GABPB2: variants seen among roughly 807,000 people sequenced by gnomAD.
The protein encoded by GABPB2 is GA-binding protein subunit beta-2.
A neutral mutation model predicts 39.1 loss-of-function variants in GABPB2; 23 were observed. The ratio of observed to expected loss-of-function variants is 0.59; its 90% CI spans 0.42 to 0.83. The LOEUF is 0.83. Ranked by LOEUF, GABPB2 falls within the 40% of genes least tolerant of loss-of-function variation. GABPB2 has a pLI of 0.00. For missense variants in GABPB2, 467 were observed against 541.1 expected (o/e 0.86, Z 1.36); for synonymous variants, 184 against 199.3 (o/e 0.92, Z 0.65).
At chr1:151,079,897 A>G (rs934306821) in intron 1 of GABPB2, among the ~76,000 whole-genome samples, 1 of 151,094 alleles carries the variant, frequency 6.6e-6, no homozygotes, top group African/African-American at 2.4e-5. Context: ...TCTGTCACAC[A>G]CACACACAAA....
intron 7 of GABPB2, among the ~76,000 whole-genome samples, chr1:151,114,428 T>G (rs1680696499): frequency 6.6e-6 from 1 of 151,838 alleles, no homozygotes. Context: ...AAATGGGAAA[T>G]AGGGCCGGGC....
rs148645991 is a variant in GABPB2 at position 151,088,272 on chromosome 1, A to G, written c.83A>G (p.Asn28Ser). The G allele has an allele frequency of 2.0e-5, 32 of 1,613,830 alleles. No homozygotes were observed. In the South Asian group the frequency reaches 3.2e-4, roughly 16 times the overall value. The change falls in exon 2 of 9, where the codon AAT (asparagine) becomes AGT (serine). Residue 28 changes from asparagine to serine, a missense_variant. Asn to Ser is a conservative substitution (Grantham distance 46, BLOSUM62 1). Coordinates refer to ENST00000368918, the MANE Select transcript of GABPB2 (RefSeq NM_144618.3). Reference protein sequence around the residue: ...QDDEVRTLMANGAPFTTDWLG... With the variant: ...QDDEVRTLMASGAPFTTDWLG... Reference sequence around the variant, plus strand: ...GATGAAGTGAGAACGTTGATGGCAAATGGCGCCCCATTCACCACAGACTGG... The same window carrying G: ...GATGAAGTGAGAACGTTGATGGCAAGTGGCGCCCCATTCACCACAGACTGG...
At chr1:151,114,715 C>G (rs963388884) in intron 7 of GABPB2, among the ~76,000 whole-genome samples, 7 of 150,982 alleles carry the variant, frequency 4.6e-5, no homozygotes, top group African/African-American at 7.3e-5. Flanking sequence ...GAAAAGAAAA[C>G]AAATGAGAAA....
chr1:151,072,336 C>T (rs1237284048), intron 1 of GABPB2, among the ~76,000 whole-genome samples: 7 of 152,180 alleles, frequency 4.6e-5, no homozygotes, highest in African/African-American at 1.7e-4. Flanking sequence ...CCCTTGAGCC[C>T]TGGAGTTCTA....
chr1:151,100,868 A>C (rs1278893386), intron 5 of GABPB2, among the ~76,000 whole-genome samples: 1 of 149,430 alleles, frequency 6.7e-6, no homozygotes, highest in East Asian at 2.0e-4. Flanking sequence ...GATTACAGGC[A>C]TGAGCCACCG....
At chr1:151,080,244 A>C (rs34889131) in intron 1 of GABPB2, among the ~76,000 whole-genome samples, 2 of 146,108 alleles carry the variant, frequency 1.4e-5, no homozygotes, top group Non-Finnish European at 3.0e-5. Flanking sequence ...AAAAAAAAAA[A>C]CAATAATTAG....
At chr1:151,106,875 G>A (rs1454470358) in intron 6 of GABPB2, among the ~76,000 whole-genome samples, 162 bp from the exon 7 acceptor site, 1 of 151,812 alleles carries the variant, frequency 6.6e-6, no homozygotes, top group East Asian at 1.9e-4. Flanking sequence ...TTTCTCCTCT[G>A]ACTTAGCATT....
At chr1:151,082,465 G>A (rs921185391) in intron 1 of GABPB2, among the ~76,000 whole-genome samples, 1 of 123,016 alleles carries the variant, frequency 8.1e-6, no homozygotes. Flanking sequence ...GTGGTAGCTC[G>A]ATCTCGGCTC....
chr1:151,083,879 T>C (rs1677932906), intron 1 of GABPB2, among the ~76,000 whole-genome samples: 2 of 150,318 alleles, frequency 1.3e-5, no homozygotes, highest in Admixed American at 1.3e-4. Context: ...TAGCTGTCAT[T>C]ACAGGCACCC....
At chr1:151,093,717 C>T (rs587773383) in intron 4 of GABPB2, among the ~76,000 whole-genome samples, 1 of 151,748 alleles carries the variant, frequency 6.6e-6, no homozygotes, top group East Asian at 1.9e-4. Context: ...TTTAGAATGT[C>T]TTTTTCTCCA....
At position 151,117,448 on chromosome 1, in the gene GABPB2, G is replaced by A. The variant is rs759458053; in HGVS notation, c.979G>A (p.Glu327Lys). The A allele has an allele frequency of 6.2e-7, 1 of 1,613,804 alleles. No individual in the cohort carries two copies. Among genetic ancestry groups the A allele is most frequent in the South Asian group, 1.1e-5 (1 of 91,076 alleles). ...GGAGACTGTAATTAAAGAGGAAGAA[G>A]AAGAGAAGTTGCCACTAACAAAGAA... Reference protein sequence around the residue: ...AEETVIKEEEEEKLPLTKKPR... With the variant: ...AEETVIKEEEKEKLPLTKKPR... The change falls in exon 8 of 9, where the codon GAA becomes AAA. Residue 327 changes from glutamate to lysine, a missense_variant. By Grantham distance (56) the Glu-to-Lys change is moderately conservative. Transcript: ENST00000368918.
At chr1:151,083,202 A>T (rs1283603790) in intron 1 of GABPB2, among the ~76,000 whole-genome samples, 2 of 152,188 alleles carry the variant, frequency 1.3e-5, no homozygotes, top group East Asian at 3.8e-4. Context: ...ATGTCAAAAA[A>T]TCACATTAAT....
chr1:151,082,184 C>T (rs1426269185), intron 1 of GABPB2, among the ~76,000 whole-genome samples: 1 of 148,824 alleles, frequency 6.7e-6, no homozygotes, highest in Non-Finnish European at 1.5e-5. Context: ...CCAAGCGATT[C>T]TTCTGCCTCA....
At position 151,125,464 on chromosome 1, in the gene GABPB2, A is replaced by G. The variant is rs1681338899; in HGVS notation, c.*7208A>G. On this transcript the variant is annotated 3_prime_UTR_variant, in exon 9 of 9. Transcript: ENST00000368918. ...TGAGCATTTGTATGTATATATACTT[A>G]TACAGATCTATATTATATATACAGT... The G allele has an allele frequency of 1.3e-5, 2 of 152,306 alleles. No homozygotes were observed. The highest frequency in any genetic ancestry group is 4.1e-4 in the South Asian group (2 of 4,832). The allele number at this position is 152,306 out of a possible 1,614,324, so 9.4% of individuals were successfully genotyped here.
chr1:151,107,594 T>TGGGTTCACGCACCC (rs1680069241), intron 7 of GABPB2, among the ~76,000 whole-genome samples: 1 of 151,688 alleles, frequency 6.6e-6, no homozygotes. Flanking sequence ...CTCCGCCTCC[T>TGGGTTCACGCACCC]GGGTTCACGC....
Position 151,090,355 on chromosome 1 carries a change from A to T in GABPB2, c.109-51A>T, listed in dbSNP as rs587695767. On this transcript the variant is annotated intron_variant, in intron 2 of 8. Coordinates refer to ENST00000368918, the MANE Select transcript of GABPB2 (RefSeq NM_144618.3). ...GTTCATTTGTATCTCTCCAGTAACG[A>T]TCTAGGACTCTGCACACAGTGGATA... 8.5e-6 allele frequency: 13 copies of T among 1,537,158 alleles called. 1 individual carries two copies. The South Asian group carries it at 1.4e-4, about 16-fold the overall frequency.
In GABPB2 at chr1:151,088,155, T is replaced by C. The variant is rs375641075; in HGVS notation, c.1-35T>C. The C allele has an allele frequency of 5.9e-5, 87 of 1,472,286 alleles. 1 individual carries two copies. Among genetic ancestry groups the C allele is most frequent in the Middle Eastern group, 3.5e-4 (2 of 5,774 alleles). 91.2% of individuals were successfully genotyped at this position (1,472,286 alleles called of 1,614,324 possible). On this transcript the variant is annotated intron_variant, in intron 1 of 8. Transcript: ENST00000368918. ...GGCGGCTTTCCTTATGTTCGAGTTA[T>C]AGCTACCTGAAAACTTTTGTTCCTA...
intron 6 of GABPB2, 92 bp downstream of exon 6, chr1:151,103,767 GA>G: frequency 1.2e-6 from 1 of 838,554 alleles, no homozygotes; most frequent in South Asian, 1.7e-5. Context: ...TATTATTAAA[GA>G]ATTGCATTTA....
intron 6 of GABPB2, among the ~76,000 whole-genome samples, chr1:151,104,480 G>A (rs1172920307): frequency 6.6e-6 from 1 of 152,150 alleles, no homozygotes; most frequent in Non-Finnish European, 1.5e-5. Context: ...ATGTATATGA[G>A]GGAACAACAT....
Sources: gnomAD v4.1 joint callset for allele counts (sites outside exome capture counted in the v4.1 genomes callset) on GRCh38, gnomAD v4.1.1 for gene constraint, MANE v1.5 for transcripts, NCBI Gene and HGNC (gene_info 2026-07-23, HGNC 2026-07-21) for gene names.